RPS6KA2: variants seen among roughly 807,000 people sequenced by gnomAD.
RPS6KA2 encodes the protein ribosomal protein S6 kinase A2, also known as ribosomal protein S6 kinase alpha-2.
RPS6KA2 carries 42 observed loss-of-function variants against 91.8 expected under a neutral mutation model. The ratio of observed to expected loss-of-function variants is 0.46; its 90% CI spans 0.36 to 0.59. RPS6KA2 has a LOEUF of 0.59. Ranked by LOEUF, RPS6KA2 falls within the 20% of genes least tolerant of loss-of-function variation. The probability of loss-of-function intolerance (pLI) is 0.00; values close to 1 mark genes in which losing one functional copy is unlikely to be tolerated. For synonymous variants in RPS6KA2, 414 were observed against 393.6 expected (o/e 1.05, Z -0.61); for missense variants, 798 against 978.5 (o/e 0.82, Z 2.46).
intron 2 of RPS6KA2, among the ~76,000 whole-genome samples, chr6:166,690,559 G>T (rs373534661): frequency 2.1e-4 from 32 of 152,170 alleles, no homozygotes; most frequent in African/African-American, 7.0e-4. Context: ...TCGAAGACAC[G>T]CGTCGGAACT....
chr6:166,660,262 C>T (rs9366038), intron 2 of RPS6KA2, among the ~76,000 whole-genome samples: 151,001 of 152,330 alleles, frequency 0.99, 74,846 homozygotes, highest in East Asian at 1. Flanking sequence ...TGTTCTGGTC[C>T]ATTTTTTCTA....
chr6:166,598,990 T>A (rs963197921), intron 1 of RPS6KA2, among the ~76,000 whole-genome samples: 2 of 152,212 alleles, frequency 1.3e-5, no homozygotes, highest in African/African-American at 4.8e-5. Context: ...TTACTGCTGC[T>A]TGTCCAGGTC....
At chr6:166,725,606 C>T (rs1040585458) in intron 2 of RPS6KA2, among the ~76,000 whole-genome samples, 3 of 152,220 alleles carry the variant, frequency 2.0e-5, no homozygotes, top group Non-Finnish European at 2.9e-5. Context: ...GGCGCACACA[C>T]GGAACCAAAG....
At chr6:166,855,198 G>A (rs1780854024) in intron 2 of RPS6KA2, among the ~76,000 whole-genome samples, 1 of 152,144 alleles carries the variant, frequency 6.6e-6, no homozygotes, top group African/African-American at 2.4e-5. Flanking sequence ...TGGGAGTGGG[G>A]GCGAGGATGA....
chr6:166,745,225 C>T (rs1367331943), intron 2 of RPS6KA2, among the ~76,000 whole-genome samples: 4 of 149,716 alleles, frequency 2.7e-5, no homozygotes, highest in South Asian at 4.3e-4. Context: ...CATCTCGGCT[C>T]ACTGCAACCT....
At chr6:166,749,615 T>C (rs190702952) in intron 2 of RPS6KA2, among the ~76,000 whole-genome samples, 2 of 460 alleles carry the variant, frequency 4.3e-3, no homozygotes, top group Admixed American at 0.022. Flanking sequence ...GGGCCCCCAT[T>C]TCCTCAGACC....
In RPS6KA2 at chr6:166,504,090, G is replaced by A. The variant is rs1414601608; in HGVS notation, c.566+416C>T. On this transcript the variant is annotated intron_variant, in intron 6 of 20. Transcript: ENST00000265678. ...ATCTGGAGGACAGTAGGGAAGAGATGAGAGAGGAGGAGAAACTGCCCTGGA... is the reference window on the plus strand; with the variant it reads ...ATCTGGAGGACAGTAGGGAAGAGATAAGAGAGGAGGAGAAACTGCCCTGGA... Among the ~76,000 whole-genome samples the A allele has an allele frequency of 2.0e-5, 3 of 152,240 alleles. No homozygotes were observed. The East Asian group carries it at 5.8e-4, about 29-fold the overall frequency.
chr6:166,819,490 T>C (rs1335576649), intron 2 of RPS6KA2, among the ~76,000 whole-genome samples: 1 of 152,128 alleles, frequency 6.6e-6, no homozygotes, highest in Non-Finnish European at 1.5e-5. Flanking sequence ...AAGTCAGCCC[T>C]ATAGGTGGGT....
chr6:166,555,059 G>A (rs1251521447), intron 1 of RPS6KA2, among the ~76,000 whole-genome samples: 2 of 152,210 alleles, frequency 1.3e-5, no homozygotes. Flanking sequence ...CAAAGACACT[G>A]CAATAGCTTG....
At chr6:166,439,602 C>T (rs1583136650) in intron 14 of RPS6KA2, among the ~76,000 whole-genome samples, 1 of 152,178 alleles carries the variant, frequency 6.6e-6, no homozygotes, top group South Asian at 2.1e-4. Flanking sequence ...GGGCCGTGCA[C>T]ACAGACAGTG....
At chr6:166,847,188 A>G (rs755496041) in intron 2 of RPS6KA2, among the ~76,000 whole-genome samples, 2 of 152,134 alleles carry the variant, frequency 1.3e-5, no homozygotes, top group East Asian at 1.9e-4. Flanking sequence ...AACCTTAGGC[A>G]TATACCTAAC....
intron 1 of RPS6KA2, among the ~76,000 whole-genome samples, chr6:166,576,410 A>G (rs982288434): frequency 2.0e-5 from 3 of 152,302 alleles, no homozygotes; most frequent in Middle Eastern, 3.4e-3. Flanking sequence ...CTTCCTAGAG[A>G]CTTGCTGAAT....
At chr6:166,572,872 G>A (rs932455026) in intron 1 of RPS6KA2, among the ~76,000 whole-genome samples, 15 of 152,356 alleles carry the variant, frequency 9.8e-5, no homozygotes, top group African/African-American at 2.6e-4. Context: ...CTGCACGTTC[G>A]GGTCTACCCC....
Position 166,627,248 on chromosome 6 carries a change from G to A in RPS6KA2, c.-229C>T, listed in dbSNP as rs995062271. ...CCGCCTCCTTCTCCGCCTCCCCTGCGAGTACCAGCGCCGGCCACGCGCCAC... is the reference window on the plus strand; with the variant it reads ...CCGCCTCCTTCTCCGCCTCCCCTGCAAGTACCAGCGCCGGCCACGCGCCAC... On this transcript the variant is annotated 5_prime_UTR_variant, in exon 1 of 21. Coordinates refer to ENST00000265678, the MANE Select transcript of RPS6KA2 (RefSeq NM_021135.6). The A allele has an allele frequency of 3.0e-6, 3 of 1,015,356 alleles. No homozygotes were observed. Among genetic ancestry groups the A allele is most frequent in the Non-Finnish European group, 3.5e-6 (3 of 850,182 alleles). The allele number at this position is 1,015,356 out of a possible 1,614,324, so 62.9% of individuals were successfully genotyped here.
chr6:166,506,284 G>A (rs1052668269), intron 5 of RPS6KA2, among the ~76,000 whole-genome samples: 7 of 152,218 alleles, frequency 4.6e-5, no homozygotes, highest in Admixed American at 4.6e-4. Flanking sequence ...AAGGCCCTCG[G>A]GGGAGGCACA....
At position 166,418,431 on chromosome 6, in the gene RPS6KA2, A is replaced by G. The variant is rs1336002855; in HGVS notation, c.1821-89T>C. ...AGTTGATATCACCCCTTGGCTGTTC[A>G]AAGGAATAGCACTTTGCTTCTCCCT... On this transcript the variant is annotated intron_variant, in intron 18 of 20. Coordinates refer to ENST00000265678, the MANE Select transcript of RPS6KA2 (RefSeq NM_021135.6). This position sits in a 1 kb window ranked among gnomAD's most constrained non-coding sequence, Gnocchi z 4.9. 2.1e-6 allele frequency: 2 copies of G among 956,406 alleles called. No homozygotes were observed. The highest frequency in any genetic ancestry group is 3.4e-6 in the Non-Finnish European group (2 of 594,480). The allele number at this position is 956,406 out of a possible 1,614,324, so 59.2% of individuals were successfully genotyped here. A position where few individuals can be genotyped will look rare whatever the true frequency, so the allele number is the denominator to read the frequency against.
At chr6:166,760,414 C>A (rs750128175) in intron 2 of RPS6KA2, among the ~76,000 whole-genome samples, 6 of 152,226 alleles carry the variant, frequency 3.9e-5, no homozygotes, top group Non-Finnish European at 8.8e-5. Flanking sequence ...TGAACTACAT[C>A]GAAGATGAAC....
chr6:166,569,633 G>A (rs538440119), intron 1 of RPS6KA2, among the ~76,000 whole-genome samples: 24 of 152,328 alleles, frequency 1.6e-4, no homozygotes, highest in African/African-American at 5.8e-4. Flanking sequence ...TCTATGGGCA[G>A]GGGCCACATC....
At chr6:166,491,255 C>T (rs533268439) in intron 8 of RPS6KA2, among the ~76,000 whole-genome samples, 2 of 152,312 alleles carry the variant, frequency 1.3e-5, no homozygotes, top group South Asian at 4.1e-4. Flanking sequence ...TATGGCACAG[C>T]AACCTCTCAG....
Sources: gnomAD v4.1 joint callset for allele counts (sites outside exome capture counted in the v4.1 genomes callset) on GRCh38, gnomAD v4.1.1 for gene constraint, Gnocchi (gnomAD v3.1) non-coding constraint, MANE v1.5 for transcripts, NCBI Gene and HGNC (gene_info 2026-07-23, HGNC 2026-07-21) for gene names.